NCAN: variants seen among roughly 807,000 people sequenced by gnomAD.
NCAN encodes the protein neurocan, also known as neurocan core protein.
A neutral mutation model predicts 121.8 loss-of-function variants in NCAN; 47 were observed. The observed-to-expected ratio is 0.39, with a 90% CI of 0.31 to 0.49. NCAN has a LOEUF of 0.49. Among genes scored for constraint, NCAN ranks in the 20% least tolerant of loss-of-function variants. The pLI is 0.92. For missense variants in NCAN, 1,517 were observed against 1,773.4 expected (o/e 0.86, Z 2.60); for synonymous variants, 633 against 702.0 (o/e 0.90, Z 1.55).
intron 12 of NCAN, 32 bp from the exon 13 acceptor site, chr19:19,245,281 C>G: frequency 6.2e-7 from 1 of 1,611,372 alleles, no homozygotes; most frequent in South Asian, 1.1e-5. Flanking sequence ...ACAGAGGTCC[C>G]CTGAACAACT....
chr19:19,226,340 G>A (rs1355663531), intron 6 of NCAN, 146 bp from the exon 7 acceptor site: 1 of 646,296 alleles, frequency 1.5e-6, no homozygotes, highest in Non-Finnish European at 2.5e-6. Flanking sequence ...CCTCTCCCAG[G>A]CTGGGGGAAT....
chr19:19,223,954 G>A lies in NCAN; in HGVS notation c.476-67G>A, dbSNP rs112241818. 3.1e-5 allele frequency: 44 copies of A among 1,437,284 alleles called. 1 individual carries two copies. The African/African-American group carries it at 3.8e-4, about 13-fold the overall frequency. 89.0% of individuals were successfully genotyped at this position (1,437,284 alleles called of 1,614,324 possible). A position where few individuals can be genotyped will look rare whatever the true frequency, so the allele number is the denominator to read the frequency against. ...AGGGGTGGGGAGTCATTCTGCAAGA[G>A]GTAGGTCTGTTCTTGAAGATTCCAG... On this transcript the variant is annotated intron_variant, in intron 3 of 14. Transcript: ENST00000252575.
chr19:19,218,931 C>T lies in NCAN; in HGVS notation c.90C>T (p.Thr30=), dbSNP rs748279727. 21 of 1,520,494 alleles carry T rather than the reference C, an allele frequency of 1.4e-5. No homozygotes were observed. The highest frequency in any genetic ancestry group is 1.4e-4 in the East Asian group (6 of 43,598). The allele number at this position is 1,520,494 out of a possible 1,614,324, so 94.2% of individuals were successfully genotyped here. Reference sequence around the variant, plus strand: ...CCAACCCAGGCACACAGGATATCACCGATGCCAGCGAAAGGGGGCTCCACA... The same window carrying T: ...CCAACCCAGGCACACAGGATATCACTGATGCCAGCGAAAGGGGGCTCCACA... ...VAGEQGTQDI[T]DASERGLHMQ... Residue 30 remains threonine (T), a synonymous_variant, in exon 3 of 15, where the codon ACC becomes ACT. Coordinates refer to ENST00000252575, the MANE Select transcript of NCAN (RefSeq NM_004386.3).
chr19:19,242,304 G>A (rs1471339002), intron 12 of NCAN, among the ~76,000 whole-genome samples: 1 of 151,918 alleles, frequency 6.6e-6, no homozygotes, highest in East Asian at 1.9e-4. Flanking sequence ...TAGGAGGATC[G>A]CTGGAGCCCA....
In NCAN at chr19:19,233,976, G is replaced by T. The variant is rs1281297276; in HGVS notation, c.3136+71G>T. 4.2e-6 allele frequency: 4 copies of T among 957,706 alleles called. No individual in the cohort carries two copies. In the Admixed American group the frequency reaches 7.5e-5, roughly 18 times the overall value. The allele number at this position is 957,706 out of a possible 1,614,324, so 59.3% of individuals were successfully genotyped here. A position where few individuals can be genotyped will look rare whatever the true frequency, so the allele number is the denominator to read the frequency against. ...CAGAGCCTTGGGTTGTACTCCAGCAGCCATGCCCTCAGAATTCAGAGATCA... is the reference window on the plus strand; with the variant it reads ...CAGAGCCTTGGGTTGTACTCCAGCATCCATGCCCTCAGAATTCAGAGATCA... On this transcript the variant is annotated intron_variant, in intron 9 of 14. Transcript: ENST00000252575.
intron 11 of NCAN, among the ~76,000 whole-genome samples, chr19:19,240,117 C>T (rs2060898095): frequency 6.9e-6 from 1 of 144,398 alleles, no homozygotes; most frequent in African/African-American, 2.6e-5. Context: ...CCCTCCTCCC[C>T]ATCCTTCTTC....
Position 19,228,304 on chromosome 19 carries a change from C to T in NCAN, c.2684C>T (p.Ser895Phe). The T allele has an allele frequency of 6.2e-7, 1 of 1,613,998 alleles. No individual in the cohort carries two copies. Reference sequence around the variant, plus strand: ...ATGTCTACACTGGGCTCCTCAAGCTCCCAACCCCACCCAGAGCCAGAGGAT... The same window carrying T: ...ATGTCTACACTGGGCTCCTCAAGCTTCCAACCCCACCCAGAGCCAGAGGAT... ...PAMSTLGSSS[S>F]QPHPEPEDQV... The change falls in exon 8 of 15, where the codon TCC (serine) becomes TTC (phenylalanine). Residue 895 changes from serine (S) to phenylalanine (F), a missense_variant. By Grantham distance (155) the Ser-to-Phe change is radical (BLOSUM62 -2). Transcript: ENST00000252575.
intron 1 of NCAN, among the ~76,000 whole-genome samples, chr19:19,216,009 CAAAG>C (rs2060794751): frequency 6.6e-6 from 1 of 152,126 alleles, no homozygotes; most frequent in Non-Finnish European, 1.5e-5. Context: ...ATCTGACCCA[CAAAG>C]AAAGTAAGGC....
At chr19:19,248,656 C>G (rs768769194) in intron 13 of NCAN, 44 bp from the exon 14 acceptor site, 1 of 1,577,854 alleles carries the variant, frequency 6.3e-7, no homozygotes, top group South Asian at 1.1e-5. Context: ...CTAGTTTAGC[C>G]CCAGATGTGA....
Position 19,250,032 on chromosome 19 carries a change from C to A in NCAN, c.*121C>A. ...AAGTCCCTGAACCCCAAACCACATC[C>A]CCCACACACATAATCCTTTGTACAA... On this transcript the variant is annotated 3_prime_UTR_variant, in exon 15 of 15. Transcript: ENST00000252575. 1.0e-6 allele frequency: 1 copy of A among 991,386 alleles called. No homozygotes were observed. Among genetic ancestry groups the A allele is most frequent in the Non-Finnish European group, 1.6e-6 (1 of 639,338 alleles). 61.4% of individuals were successfully genotyped at this position (991,386 alleles called of 1,614,324 possible). A position where few individuals can be genotyped will look rare whatever the true frequency, so the allele number is the denominator to read the frequency against.
rs772226183 is a variant in NCAN, at chr19:19,228,043, C to T, written c.2423C>T (p.Pro808Leu). Residue 808 changes from proline (P) to leucine (L), a missense_variant, in exon 8 of 15, where the codon CCC becomes CTC. By Grantham distance (98) the Pro-to-Leu change is moderately conservative (BLOSUM62 -3). Coordinates refer to ENST00000252575, the MANE Select transcript of NCAN (RefSeq NM_004386.3). ...GGGAGCCCTGGAGTCTTCTTGGTAC[C>T]CAAAGTCACCCCAAATTTGGAGCCT... ...PLGSPGVFLV[P>L]KVTPNLEPWV... 4 of 1,613,496 alleles carry T rather than the reference C, an allele frequency of 2.5e-6. No homozygotes were observed. The South Asian group carries it at 3.3e-5, about 13-fold the overall frequency.
chr19:19,228,173 T>C lies in NCAN; in HGVS notation c.2553T>C (p.Phe851=). Residue 851 remains phenylalanine (F), a synonymous_variant, in exon 8 of 15, where the codon TTT becomes TTC. Coordinates refer to ENST00000252575, the MANE Select transcript of NCAN (RefSeq NM_004386.3). ...TTTGGGAACCTGGATCCCAGGTGTTTGAAGAAGCCGAAAGCACCACCTTGA... is the reference window on the plus strand; with the variant it reads ...TTTGGGAACCTGGATCCCAGGTGTTCGAAGAAGCCGAAAGCACCACCTTGA... ...SGIWEPGSQV[F]EEAESTTLSP... 6.2e-7 allele frequency: 1 copy of C among 1,613,784 alleles called. No individual in the cohort carries two copies. Among genetic ancestry groups the C allele is most frequent in the Non-Finnish European group, 8.5e-7 (1 of 1,179,998 alleles).
chr19:19,244,728 C>A, intron 12 of NCAN, among the ~76,000 whole-genome samples: 1 of 136,492 alleles, frequency 7.3e-6, no homozygotes, highest in Admixed American at 7.4e-5. Flanking sequence ...TTTTCTTTTC[C>A]TTTTTTTTTT....
chr19:19,246,545 T>C (rs2060925121), intron 13 of NCAN, among the ~76,000 whole-genome samples: 2 of 152,184 alleles, frequency 1.3e-5, no homozygotes, highest in Non-Finnish European at 2.9e-5. Context: ...TTTTTGTTTG[T>C]TTGTTTGAGA....
intron 2 of NCAN, among the ~76,000 whole-genome samples, chr19:19,217,816 G>A (rs1306427262): frequency 1.3e-5 from 2 of 152,010 alleles, no homozygotes; most frequent in Admixed American, 6.6e-5. Context: ...GTGAAACTCC[G>A]TCTCTACAGA....
At position 19,250,430 on chromosome 19, in the gene NCAN, T is replaced by C. The variant is rs1648899797; in HGVS notation, c.*519T>C. On this transcript the variant is annotated 3_prime_UTR_variant, in exon 15 of 15. Transcript: ENST00000252575. ...CTTGACAACAGCTCTCCCTTTACCC[T>C]GGACTTCAGCCCAAGTTCCGTCTTT... The C allele has an allele frequency of 6.6e-6, 2 of 303,992 alleles. No individual in the cohort carries two copies. The highest frequency in any genetic ancestry group is 1.3e-5 in the Non-Finnish European group (2 of 155,040). 18.8% of individuals were successfully genotyped at this position (303,992 alleles called of 1,614,324 possible).
intron 14 of NCAN, 175 bp downstream of exon 14, chr19:19,249,057 G>A (rs2060936860): frequency 1.7e-6 from 1 of 583,802 alleles, no homozygotes; most frequent in Non-Finnish European, 3.0e-6. Flanking sequence ...GTGTGTGTGT[G>A]TGTGTGTGTG....
chr19:19,226,464 C>A, intron 6 of NCAN, 22 bp from the exon 7 acceptor site: 1 of 1,534,030 alleles, frequency 6.5e-7, no homozygotes, highest in Non-Finnish European at 8.8e-7. Context: ...CCTAACACAA[C>A]CTCTTCTGCT....
At position 19,219,194 on chromosome 19, in the gene NCAN, G is replaced by A. The variant is rs749169084; in HGVS notation, c.353G>A (p.Arg118Gln). Residue 118 changes from arginine (R) to glutamine (Q), a missense_variant, in exon 3 of 15, where the codon CGG (arginine) becomes CAG (glutamine). Coordinates refer to ENST00000252575, the MANE Select transcript of NCAN (RefSeq NM_004386.3). ...CGAGTGTCACTGCCTTCCTACCCCC[G>A]GCGCCGAGCCAACGCCACGCTACTT... is the stretch of plus-strand genomic sequence containing the variant. ...QGRVSLPSYP[R>Q]RRANATLLLG... 1.7e-5 allele frequency: 28 copies of A among 1,611,644 alleles called. No individual in the cohort carries two copies. The African/African-American group carries it at 1.9e-4, about 11-fold the overall frequency.
Sources: gnomAD v4.1 joint callset for allele counts (sites outside exome capture counted in the v4.1 genomes callset) on GRCh38, gnomAD v4.1.1 for gene constraint, MANE v1.5 for transcripts, NCBI Gene and HGNC (gene_info 2026-07-23, HGNC 2026-07-21) for gene names.